The following TENM4 variants were observed in gnomAD, a reference collection of about 807,000 sequenced individuals.
TENM4 encodes the protein teneurin-4.
A neutral mutation model predicts 243.3 loss-of-function variants in TENM4; 82 were observed. The observed-to-expected ratio is 0.34, with a 90% confidence interval of 0.28 to 0.40. TENM4 has a LOEUF of 0.40. Among genes scored for constraint, TENM4 ranks in the 10% least tolerant of loss-of-function variants. The pLI is 1.00. For missense variants in TENM4, 3,138 were observed against 3,673.3 expected (o/e 0.85, Z 3.77); for synonymous variants, 1,412 against 1,456.3 (o/e 0.97, Z 0.69).
At chr11:79,416,973 T>A (rs1411345912) in intron 1 of TENM4, among the ~76,000 whole-genome samples, 2 of 152,220 alleles carry the variant, frequency 1.3e-5, no homozygotes, top group Admixed American at 1.3e-4. Context: ...GCTAGAAACC[T>A]AGGACAGTTT....
At chr11:78,801,262 G>A (rs2136075570) in intron 15 of TENM4, among the ~76,000 whole-genome samples, 1 of 152,240 alleles carries the variant, frequency 6.6e-6, no homozygotes, top group South Asian at 2.1e-4. Context: ...AGCAACAGCA[G>A]TAGCCACCTC....
chr11:79,156,290 C>G (rs1464645755), intron 3 of TENM4, among the ~76,000 whole-genome samples: 6 of 152,236 alleles, frequency 3.9e-5, no homozygotes, highest in African/African-American at 1.4e-4. Context: ...CAGCACCAAT[C>G]AATAAGTCCT....
intron 3 of TENM4, among the ~76,000 whole-genome samples, chr11:79,183,844 A>G (rs540445413): frequency 0.01 from 1,555 of 152,342 alleles, 37 homozygotes; most frequent in African/African-American, 0.034. Context: ...TATCAAAAAA[A>G]CAGAAAATAA....
rs1565329852 is a variant in TENM4 at position 79,398,530 on chromosome 11, A to T, written c.-321+41979T>A. On this transcript the variant is annotated intron_variant, in intron 1 of 33. Transcript: ENST00000278550. Reference sequence around the variant, plus strand: ...TAACAGTGGTAGCTCCTCTTCACTGAGTGCGGACAGGAATATAAACCACTT... The same window carrying T: ...TAACAGTGGTAGCTCCTCTTCACTGTGTGCGGACAGGAATATAAACCACTT... 5.3e-5 allele frequency among the ~76,000 whole-genome samples: 8 copies of T among 152,066 alleles called. No homozygotes were observed. In the South Asian group the frequency reaches 1.5e-3, roughly 28 times the overall value.
intron 12 of TENM4, among the ~76,000 whole-genome samples, chr11:78,832,955 T>C (rs1858016566): frequency 6.6e-6 from 1 of 152,234 alleles, no homozygotes; most frequent in Non-Finnish European, 1.5e-5. Context: ...AATAAATGCA[T>C]GCTTATTTGG....
At chr11:78,688,883 A>G (rs1456167131) in intron 28 of TENM4, among the ~76,000 whole-genome samples, 2 of 152,170 alleles carry the variant, frequency 1.3e-5, no homozygotes, top group Non-Finnish European at 2.9e-5. Flanking sequence ...TTGCTCAGGT[A>G]TGGTCTTTCT....
chr11:79,038,087 G>T (rs775211547), intron 6 of TENM4, among the ~76,000 whole-genome samples: 1 of 152,288 alleles, frequency 6.6e-6, no homozygotes, highest in Non-Finnish European at 1.5e-5. Flanking sequence ...AAAGGAAGCC[G>T]GAGACAACCA....
At chr11:78,829,696 T>C (rs924172581) in intron 12 of TENM4, among the ~76,000 whole-genome samples, 9 of 152,140 alleles carry the variant, frequency 5.9e-5, no homozygotes, top group Admixed American at 5.2e-4. Flanking sequence ...CTCAGTTTCC[T>C]TGTCTGGAAA....
chr11:79,411,749 A>C (rs1858705961), intron 1 of TENM4, among the ~76,000 whole-genome samples: 1 of 152,156 alleles, frequency 6.6e-6, no homozygotes, highest in African/African-American at 2.4e-5. Flanking sequence ...TAAGCTCAGG[A>C]AGAATTTGTT....
chr11:78,938,483 C>T (rs207472031), intron 6 of TENM4, among the ~76,000 whole-genome samples: 1 of 152,138 alleles, frequency 6.6e-6, no homozygotes, highest in African/African-American at 2.4e-5. Flanking sequence ...TACAGATCAA[C>T]AAAGTATAGG....
rs140251818 is a variant in TENM4 at position 79,180,430 on chromosome 11, T to C, written c.-162-31624A>G. Among the ~76,000 whole-genome samples, 105 of 151,704 alleles carry C rather than the reference T, an allele frequency of 6.9e-4. 2 individuals carry two copies. The highest frequency in any genetic ancestry group is 6.9e-3 in the Middle Eastern group (2 of 290). The stretch of plus-strand genomic sequence containing the variant: ...CATAGTGCAGTGTTCAACAGCCAAG[T>C]AGTCAGGCAGAATTGGATTTTGCTC... On this transcript the variant is annotated intron_variant, in intron 3 of 33. Transcript: ENST00000278550.
intron 1 of TENM4, among the ~76,000 whole-genome samples, chr11:79,348,042 G>C (rs1416697068): frequency 6.6e-6 from 1 of 151,680 alleles, no homozygotes; most frequent in Non-Finnish European, 1.5e-5. Flanking sequence ...GCCTCCCAAA[G>C]TGCTGGGATT....
At chr11:79,430,847 C>G (rs1859152594) in intron 1 of TENM4, among the ~76,000 whole-genome samples, 1 of 152,110 alleles carries the variant, frequency 6.6e-6, no homozygotes, top group South Asian at 2.1e-4. Context: ...TAGAAATGTA[C>G]TTAAATGGCC....
At chr11:79,348,700 C>T (rs557104270) in intron 1 of TENM4, among the ~76,000 whole-genome samples, 1 of 152,244 alleles carries the variant, frequency 6.6e-6, no homozygotes, top group East Asian at 1.9e-4. Flanking sequence ...TTGGCTGGCA[C>T]CTTGATCTTG....
In TENM4 at chr11:79,266,924, A is replaced by G. The variant is rs530403648; in HGVS notation, c.-265+30564T>C. Among the ~76,000 whole-genome samples, 6 of 152,302 alleles carry G rather than the reference A, an allele frequency of 3.9e-5. No homozygotes were observed. The South Asian group carries it at 1.2e-3, about 32-fold the overall frequency. ...CAGGCATATATATAAATTATGAGATACAAAACACGTTGGGATAAAGGTTAC... is the reference window on the plus strand; with the variant it reads ...CAGGCATATATATAAATTATGAGATGCAAAACACGTTGGGATAAAGGTTAC... On this transcript the variant is annotated intron_variant, in intron 2 of 33. Coordinates refer to ENST00000278550, the MANE Select transcript of TENM4 (RefSeq NM_001098816.3).
chr11:79,218,873 A>C (rs1864107537), intron 2 of TENM4, among the ~76,000 whole-genome samples: 1 of 152,242 alleles, frequency 6.6e-6, no homozygotes, highest in African/African-American at 2.4e-5. Context: ...GGAAGGGATT[A>C]TGGCATTATT....
At chr11:79,167,148 C>T (rs1439285761) in intron 3 of TENM4, among the ~76,000 whole-genome samples, 1 of 152,244 alleles carries the variant, frequency 6.6e-6, no homozygotes, top group Non-Finnish European at 1.5e-5. Context: ...TACCAAAGCC[C>T]AGGCTCCTTT....
intron 3 of TENM4, among the ~76,000 whole-genome samples, chr11:79,181,394 G>A (rs1201627295): frequency 2.6e-5 from 4 of 152,008 alleles, no homozygotes; most frequent in East Asian, 1.9e-4. Context: ...TTCAACACTC[G>A]TTTATGACAA....
chr11:79,434,243 G>A (rs1859226740), intron 1 of TENM4, among the ~76,000 whole-genome samples: 1 of 152,184 alleles, frequency 6.6e-6, no homozygotes, highest in African/African-American at 2.4e-5. Flanking sequence ...ATTGGGCCCT[G>A]GAACTGTGAA....
Sources: gnomAD v4.1 joint callset for allele counts (sites outside exome capture counted in the v4.1 genomes callset) on GRCh38, gnomAD v4.1.1 for gene constraint, MANE v1.5 for transcripts, NCBI Gene and HGNC (gene_info 2026-07-23, HGNC 2026-07-21) for gene names.